Variants in NLGN1 observed in about 807,000 individuals in gnomAD.
The protein encoded by NLGN1 is neuroligin-1.
Under a neutral mutation model 65.5 loss-of-function variants are expected in NLGN1, and 12 were observed. The observed-to-expected ratio is 0.18, with a 90% CI of 0.12 to 0.30. The LOEUF (loss-of-function observed/expected upper bound fraction) is 0.30. NLGN1 is among the 10% of genes least tolerant of loss of function. The pLI is 1.00. For missense variants in NLGN1, 750 were observed against 1,007.1 expected (o/e 0.74, Z 3.46); for synonymous variants, 350 against 359.5 (o/e 0.97, Z 0.30).
Position 173,922,742 on chromosome 3 carries a change from C to T in NLGN1, c.646+114910C>T, listed in dbSNP as rs182485514. On this transcript the variant is annotated intron_variant, in intron 4 of 6. Coordinates refer to ENST00000457714, the Ensembl canonical transcript of NLGN1. ...ACTACTTTGGCTTCTATTCTAATGC[C>T]ATGTGTCGTCTCTGGAAAGCAATTT... Among the ~76,000 whole-genome samples, 27 of 152,112 alleles carry T rather than the reference C, an allele frequency of 1.8e-4. No homozygotes were observed. The East Asian group carries it at 4.1e-3, about 23-fold the overall frequency.
chr3:174,108,257 G>A (rs1714403067), intron 4 of NLGN1, among the ~76,000 whole-genome samples: 1 of 151,938 alleles, frequency 6.6e-6, no homozygotes, highest in African/African-American at 2.4e-5. Flanking sequence ...TTTTATAAAA[G>A]TGTTATAAGT....
intron 5 of NLGN1, among the ~76,000 whole-genome samples, chr3:174,277,759 T>C (rs946145887): frequency 2.0e-5 from 3 of 151,886 alleles, no homozygotes; most frequent in Non-Finnish European, 4.4e-5. Context: ...TATAGGCATA[T>C]TAGGTTAAGA....
intron 2 of NLGN1, among the ~76,000 whole-genome samples, chr3:173,456,703 TAGAAAG>T (rs1490898075): frequency 6.6e-6 from 1 of 151,964 alleles, no homozygotes; most frequent in African/African-American, 2.4e-5. Context: ...ATAGTAACAG[TAGAAAG>T]CCAAGCCATT....
At chr3:173,859,303 G>A (rs912781478) in intron 4 of NLGN1, among the ~76,000 whole-genome samples, 3 of 152,050 alleles carry the variant, frequency 2.0e-5, no homozygotes, top group Admixed American at 2.0e-4. Flanking sequence ...TTTATTTTTA[G>A]TTACTGACTT....
chr3:174,004,126 A>G (rs764501130), intron 4 of NLGN1, among the ~76,000 whole-genome samples: 1 of 152,174 alleles, frequency 6.6e-6, no homozygotes, highest in Non-Finnish European at 1.5e-5. Context: ...ACAAGCAGTG[A>G]TCACTTCCAG....
chr3:173,438,963 A>G (rs1445031498), intron 2 of NLGN1, among the ~76,000 whole-genome samples: 2 of 152,176 alleles, frequency 1.3e-5, no homozygotes, highest in African/African-American at 4.8e-5. Flanking sequence ...TCCAAATTCA[A>G]TTCAGTAGAG....
At chr3:173,532,273 A>G (rs1736704832) in intron 2 of NLGN1, among the ~76,000 whole-genome samples, 1 of 152,176 alleles carries the variant, frequency 6.6e-6, no homozygotes, top group African/African-American at 2.4e-5. Context: ...TCTCTTTGAG[A>G]TACATCTGTT....
intron 2 of NLGN1, among the ~76,000 whole-genome samples, chr3:173,505,976 G>T (rs867443198): frequency 1.3e-4 from 20 of 152,052 alleles, no homozygotes; most frequent in African/African-American, 3.6e-4. Context: ...ATAATTTCAA[G>T]AGCTAATACC....
At chr3:174,177,765 CCTT>C (rs749144556) in intron 4 of NLGN1, among the ~76,000 whole-genome samples, 2 of 151,966 alleles carry the variant, frequency 1.3e-5, no homozygotes. Context: ...GTTATATTCT[CCTT>C]AAGAAATATG....
chr3:173,510,682 C>G (rs1446063418), intron 2 of NLGN1, among the ~76,000 whole-genome samples: 3 of 152,114 alleles, frequency 2.0e-5, no homozygotes, highest in African/African-American at 4.8e-5. Context: ...TTTGTGCTCT[C>G]CAGTTGATAA....
intron 4 of NLGN1, among the ~76,000 whole-genome samples, chr3:174,080,756 G>GTT (rs201523593): frequency 2.1e-5 from 3 of 145,320 alleles, no homozygotes; most frequent in East Asian, 4.0e-4. Context: ...TCAGTTTCAG[G>GTT]TTTTTTTTTT....
intron 4 of NLGN1, among the ~76,000 whole-genome samples, chr3:173,876,384 T>G (rs766007769): frequency 1.4e-4 from 21 of 152,188 alleles, no homozygotes; most frequent in Non-Finnish European, 2.8e-4. Context: ...TAATTCTAAT[T>G]AATTAAAATA....
At chr3:173,411,603 C>T (rs1399180380) in intron 1 of NLGN1, among the ~76,000 whole-genome samples, 2 of 152,182 alleles carry the variant, frequency 1.3e-5, no homozygotes, top group East Asian at 3.9e-4. Flanking sequence ...GTTTAGTAAA[C>T]ATGACTTTTC....
intron 3 of NLGN1, among the ~76,000 whole-genome samples, chr3:173,807,275 A>G (rs982154593): frequency 1.5e-4 from 23 of 152,294 alleles, no homozygotes; most frequent in African/African-American, 5.1e-4. Flanking sequence ...CACAACAGCA[A>G]TAATACCATT....
At chr3:174,265,035 G>A (rs1447513977) in intron 4 of NLGN1, among the ~76,000 whole-genome samples, 13 of 152,220 alleles carry the variant, frequency 8.5e-5, no homozygotes, top group South Asian at 6.2e-4. Context: ...CAGTCTGCCC[G>A]TTCTCAGATC....
At chr3:173,969,927 A>G (rs755293242) in intron 4 of NLGN1, among the ~76,000 whole-genome samples, 6 of 151,842 alleles carry the variant, frequency 4.0e-5, no homozygotes, top group Non-Finnish European at 8.8e-5. Flanking sequence ...AAAAAAAAAG[A>G]TCTAACCACA....
intron 3 of NLGN1, among the ~76,000 whole-genome samples, chr3:173,633,345 A>T (rs1756049175): frequency 6.6e-6 from 1 of 152,094 alleles, no homozygotes; most frequent in Non-Finnish European, 1.5e-5. Context: ...CTTGGCCTTG[A>T]TGCCTGGTCT....
chr3:173,892,447 T>C (rs1009796418), intron 4 of NLGN1, among the ~76,000 whole-genome samples: 11 of 151,964 alleles, frequency 7.2e-5, no homozygotes, highest in Non-Finnish European at 1.3e-4. Flanking sequence ...ACTTTCACAA[T>C]AGCCCTGTAA....
rs187301950 is a variant in NLGN1 at position 173,533,294 on chromosome 3, T to C, written c.-320-70985T>C. 4.3e-3 allele frequency among the ~76,000 whole-genome samples: 658 copies of C among 152,368 alleles called. 2 individuals carry two copies. In the Middle Eastern group the frequency reaches 0.044, roughly 10 times the overall value. On this transcript the variant is annotated intron_variant, in intron 2 of 6. Transcript: ENST00000457714. ...TCCCCTTTACTTACAGATTGTTTTC[T>C]TCATAATTTTTCTCAAAGAATTTTT...
Sources: gnomAD v4.1 joint callset for allele counts (sites outside exome capture counted in the v4.1 genomes callset) on GRCh38, gnomAD v4.1.1 for gene constraint, MANE v1.5 for transcripts, NCBI Gene and HGNC (gene_info 2026-07-23, HGNC 2026-07-21) for gene names.